Variants in TTN observed in about 807,000 individuals in gnomAD.
TTN encodes connectin.
A neutral mutation model predicts 3,223.0 loss-of-function variants in TTN; 1,525 were observed. The ratio of observed to expected loss-of-function variants is 0.47; its 90% CI spans 0.45 to 0.49. The LOEUF (loss-of-function observed/expected upper bound fraction) is 0.49, where lower values mean the gene tolerates loss of function less well. Among genes scored for constraint, TTN ranks in the 20% least tolerant of loss-of-function variants. The pLI is 0.00. For missense variants in TTN, 40,786 were observed against 43,424.0 expected, an observed-to-expected ratio of 0.94 and a Z score of 5.40; for synonymous variants, 14,094 against 15,161.0, an observed-to-expected ratio of 0.93 and a Z score of 5.17.
At position 178,775,520 on chromosome 2, in the gene TTN, C is replaced by G; in HGVS notation, c.6344G>C (p.Gly2115Ala). 1 of 1,613,990 alleles carries G rather than the reference C, an allele frequency of 6.2e-7. No individual in the cohort carries two copies. The highest frequency in any genetic ancestry group is 8.5e-7 in the Non-Finnish European group (1 of 1,179,990). ...PDPECEWYKN[G>A]VKIERSDRIY... ...CCGGTCAGACCGTTCAATTTTGACA[C>G]CATTTTTGTACCATTCACATTCGGG... The change falls in exon 28 of 363, where the codon GGT becomes GCT. Residue 2115 changes from glycine to alanine, a missense_variant. Transcript: ENST00000589042.
chr2:178,701,627 CA>C, intron 109 of TTN, 40 bp from the exon 110 acceptor site: 1 of 1,590,950 alleles, frequency 6.3e-7, no homozygotes, highest in Non-Finnish European at 8.6e-7. Context: ...AGACTGAGAA[CA>C]AGCTATTTAT....
rs772666403 is a variant in TTN at position 178,527,012 on chromosome 2, T to C, written c.107976A>G (p.Ter35992=). ...ATVNIHIRSI[*] is the part of the protein sequence containing the mutation. ...GTAGAGTATAAGGGCACAGGCCCTC[T>C]TAAATGGATCGAATATGTATATTCA... is the stretch of plus-strand genomic sequence containing the variant. Residue 35992 remains the stop codon, a stop_retained_variant, in exon 363 of 363, where the codon TAA becomes TAG. Transcript: ENST00000589042. 6.2e-7 allele frequency: 1 copy of C among 1,609,744 alleles called. No individual in the cohort carries two copies. Among genetic ancestry groups the C allele is most frequent in the South Asian group, 1.1e-5 (1 of 90,624 alleles).
rs771257647 is a variant in TTN, at chr2:178,565,273, C to T, written c.80859G>A (p.Thr26953=). Residue 26953 remains threonine (T), a synonymous_variant, in exon 326 of 363, where the codon ACG becomes ACA. Coordinates refer to ENST00000589042, the MANE Select transcript of TTN (RefSeq NM_001267550.2). ...NKDDFGKYTV[T]ATNSAGTATE... ...TTGCTGTGCCTGCACTATTTGTTGC[C>T]GTTACGGTGTATTTTCCAAAGTCAT... 4.8e-5 allele frequency: 78 copies of T among 1,613,462 alleles called. No homozygotes were observed. In the Admixed American group the frequency reaches 9.7e-4, roughly 20 times the overall value.
intron 332 of TTN, 79 bp downstream of exon 332, chr2:178,554,374 A>T: frequency 6.7e-7 from 1 of 1,490,034 alleles, no homozygotes. Flanking sequence ...ATAAAAGAAA[A>T]TTAAAGCATA....
rs931916309 is a variant in TTN at position 178,791,991 on chromosome 2, G to A, written c.1662+81C>T. The A allele has an allele frequency of 4.0e-6, 6 of 1,487,282 alleles. No individual in the cohort carries two copies. The African/African-American group carries it at 8.3e-5, about 21-fold the overall frequency. 92.1% of individuals were successfully genotyped at this position (1,487,282 alleles called of 1,614,324 possible). ...CAACCAAAGACTTCTCCATTTAAGGGTTTTGACTATAAGCTACCTGCAGCT... is the reference window on the plus strand; with the variant it reads ...CAACCAAAGACTTCTCCATTTAAGGATTTTGACTATAAGCTACCTGCAGCT... On this transcript the variant is annotated intron_variant, in intron 10 of 362. Transcript: ENST00000589042.
intron 349 of TTN, chr2:178,541,975 C>A: frequency 3.3e-6 from 1 of 302,792 alleles, no homozygotes; most frequent in Non-Finnish European, 6.0e-6. Context: ...TCTCTTCCTC[C>A]TTCCCTTCTC....
Position 178,792,527 on chromosome 2 carries a change from G to A in TTN, c.1537-330C>T, listed in dbSNP as rs77152878. On this transcript the variant is annotated intron_variant, in intron 9 of 362. Transcript: ENST00000589042. ...TCTGTACTAATTCTGTCATCTAAAG[G>A]TAATCTTAGAATATATATCAGAATG... Among the ~76,000 whole-genome samples, 560 of 152,198 alleles carry A rather than the reference G, an allele frequency of 3.7e-3. 13 individuals are homozygous for A. In the East Asian group the frequency reaches 0.039, roughly 11 times the overall value.
rs931322107 is a variant in TTN at position 178,609,644 on chromosome 2, T to A, written c.51739+40A>T. The A allele has an allele frequency of 7.1e-6, 11 of 1,550,902 alleles. No individual in the cohort carries two copies. The East Asian group carries it at 2.5e-4, about 35-fold the overall frequency. On this transcript the variant is annotated intron_variant, in intron 272 of 362. Transcript: ENST00000589042. ...TGACAAAACATTATTTTCATTTATT[T>A]CAAAATGGGAAAGTGGCAACTCCAT... is the stretch of plus-strand genomic sequence containing the variant.
Position 178,739,572 on chromosome 2 carries a change from T to C in TTN, c.13661A>G (p.Lys4554Arg). The change falls in exon 48 of 363, where the codon AAA (lysine) becomes AGA (arginine). Residue 4554 changes from lysine (K) to arginine (R), a missense_variant. Transcript: ENST00000589042. ...AGAGACAACAGCTGAAGCAACCCCTTTAGTGACAGGTGTGGCATCCAAATA... is the reference window on the plus strand; with the variant it reads ...AGAGACAACAGCTGAAGCAACCCCTCTAGTGACAGGTGTGGCATCCAAATA... Reference protein sequence around the residue: ...VKYLDATPVTKGVASAVVSDE... With the variant: ...VKYLDATPVTRGVASAVVSDE... 6.2e-7 allele frequency: 1 copy of C among 1,613,826 alleles called. No individual in the cohort carries two copies. The highest frequency in any genetic ancestry group is 8.5e-7 in the Non-Finnish European group (1 of 1,179,820).
At position 178,769,951 on chromosome 2, in the gene TTN, C is replaced by T; in HGVS notation, c.8642-12G>A. 8 of 1,614,032 alleles carry T rather than the reference C, an allele frequency of 5.0e-6. No individual in the cohort carries two copies. The highest frequency in any genetic ancestry group is 6.8e-6 in the Non-Finnish European group (8 of 1,179,996). ...TGTAATATGTAATGCTTGGTAAAATCAAAGAGCACTTCAGTTAATACAATT... is the reference window on the plus strand; with the variant it reads ...TGTAATATGTAATGCTTGGTAAAATTAAAGAGCACTTCAGTTAATACAATT... On this transcript the variant is annotated splice_polypyrimidine_tract_variant and intron_variant, in intron 36 of 362. Coordinates refer to ENST00000589042, the MANE Select transcript of TTN (RefSeq NM_001267550.2).
intron 13 of TTN, 37 bp from the exon 14 acceptor site, chr2:178,786,178 A>G: frequency 6.2e-7 from 1 of 1,608,260 alleles, no homozygotes; most frequent in Non-Finnish European, 8.5e-7. Flanking sequence ...ACATAGGAAT[A>G]TCGAGATCAG....
At position 178,542,578 on chromosome 2, in the gene TTN, A is replaced by T. The variant is rs377523613; in HGVS notation, c.97193-15T>A. 3.3e-5 allele frequency: 53 copies of T among 1,591,778 alleles called. No homozygotes were observed. The highest frequency in any genetic ancestry group is 4.2e-5 in the Non-Finnish European group (49 of 1,166,144). On this transcript the variant is annotated splice_polypyrimidine_tract_variant and intron_variant, in intron 348 of 362. Transcript: ENST00000589042. ...ACCAGGCTTGTCTATGAAAGAGAAG[A>T]AATACAGGAAATTAATTTTTACTTC...
At position 178,547,463 on chromosome 2, in the gene TTN, C is replaced by A; in HGVS notation, c.94163G>T (p.Arg31388Ile). Residue 31388 changes from arginine to isoleucine, a missense_variant, in exon 339 of 363, where the codon AGA (arginine) becomes ATA (isoleucine). Coordinates refer to ENST00000589042, the MANE Select transcript of TTN (RefSeq NM_001267550.2). Reference protein sequence around the residue: ...EYSFRVSSENRFGVSKPLESA... With the variant: ...EYSFRVSSENIFGVSKPLESA... ...TTCTAGAGGTTTGCTGACACCAAAT[C>A]TGTTCTCTGAACTGACACGGAAAGA... 6.2e-7 allele frequency: 1 copy of A among 1,611,928 alleles called. No individual in the cohort carries two copies.
At chr2:178,586,850 A>G (rs2049095878) in intron 307 of TTN, 43 bp from the exon 308 acceptor site, 1 of 1,589,456 alleles carries the variant, frequency 6.3e-7, no homozygotes, top group African/African-American at 1.4e-5. Context: ...AGGTAACCTA[A>G]TCAAATCCCC....
chr2:178,628,571 A>G (rs1214663370), intron 240 of TTN, among the ~76,000 whole-genome samples: 3 of 152,140 alleles, frequency 2.0e-5, no homozygotes, highest in Non-Finnish European at 4.4e-5. Context: ...GGCCTATCTG[A>G]ATAATCCCTT....
In TTN at chr2:178,565,765, G is replaced by A. The variant is rs1705586562; in HGVS notation, c.80367C>T (p.Leu26789=). ...ATGCACTGGTCTGGGACACATCAGT[G>A]AGTGTAACCTTTCCTGGTGGGGAAG... ...EPPSPPGKVT[L]TDVSQTSASL... is the part of the protein sequence containing the mutation. Residue 26789 remains leucine (L), a synonymous_variant, in exon 326 of 363, where the codon CTC becomes CTT. Transcript: ENST00000589042. The A allele has an allele frequency of 6.2e-7, 1 of 1,613,580 alleles. No homozygotes were observed. The highest frequency in any genetic ancestry group is 8.5e-7 in the Non-Finnish European group (1 of 1,179,624).
rs1395201423 is a variant in TTN at position 178,632,141 on chromosome 2, A to G, written c.43747+6T>C. 2 of 1,574,926 alleles carry G rather than the reference A, an allele frequency of 1.3e-6. No individual in the cohort carries two copies. Among genetic ancestry groups the G allele is most frequent in the Non-Finnish European group, 1.7e-6 (2 of 1,161,584 alleles). On this transcript the variant is annotated splice_donor_region_variant and intron_variant, in intron 236 of 362. Transcript: ENST00000589042. ...GCAGTAAAATTAAAATTTAAAAAGC[A>G]CTTACCAAGCACAGTGAGTTTAGCT...
At chr2:178,775,299 T>C in intron 28 of TTN, 57 bp downstream of exon 28, 1 of 1,612,326 alleles carries the variant, frequency 6.2e-7, no homozygotes, top group Non-Finnish European at 8.5e-7. Flanking sequence ...GTAAACACAC[T>C]CATGGATATT....
rs528062079 is a variant in TTN, at chr2:178,689,360, T to G, written c.31941A>C (p.Pro10647=). ...ESPPPAVPEI[P]KKKVPEERKP... The stretch of plus-strand genomic sequence containing the variant: ...TCCTTTCTTCAGGAACTTTCTTCTT[T>G]GGTATTTCTGGCACTTAAAGGATAG... Residue 10647 remains proline (P), a synonymous_variant, in exon 124 of 363, where the codon CCA becomes CCC. Coordinates refer to ENST00000589042, the MANE Select transcript of TTN (RefSeq NM_001267550.2). The G allele has an allele frequency of 6.2e-7, 1 of 1,613,842 alleles. No homozygotes were observed. The highest frequency in any genetic ancestry group is 1.1e-5 in the South Asian group (1 of 91,076).
Sources: gnomAD v4.1 joint callset for allele counts (sites outside exome capture counted in the v4.1 genomes callset) on GRCh38, gnomAD v4.1.1 for gene constraint, MANE v1.5 for transcripts, NCBI Gene and HGNC (gene_info 2026-07-23, HGNC 2026-07-21) for gene names.